The following CCDC178 variants were observed in gnomAD, a reference collection of about 807,000 sequenced individuals.
CCDC178 encodes coiled-coil domain containing 178.
CCDC178 carries 126 observed loss-of-function variants against 117.4 expected under a neutral mutation model. The ratio of observed to expected loss-of-function variants is 1.07; its 90% CI spans 0.93 to 1.24. CCDC178 has a LOEUF of 1.24. CCDC178 is among the 50% of genes most tolerant of loss of function. CCDC178 has a pLI of 0.00. For synonymous variants in CCDC178, 283 were observed against 313.4 expected (o/e 0.90, Z 1.02); for missense variants, 1,030 against 986.9 (o/e 1.04, Z -0.59).
intron 22 of CCDC178, among the ~76,000 whole-genome samples, chr18:32,943,450 T>C (rs1022450765): frequency 7.2e-5 from 11 of 152,110 alleles, no homozygotes; most frequent in African/African-American, 2.4e-4. Flanking sequence ...CTAGTGCTTC[T>C]TTTTTTTCCT....
Position 33,382,955 on chromosome 18 carries a change from A to T in CCDC178, c.208+6585T>A, listed in dbSNP as rs541341654. ...TCCCACTGCCAGCACAACAGTCTGG[A>T]GTTGCCCTGGGATGACTGAGTTCCC... On this transcript the variant is annotated intron_variant, in intron 5 of 22. Coordinates refer to ENST00000383096, the MANE Select transcript of CCDC178 (RefSeq NM_001105528.4). Among the ~76,000 whole-genome samples the T allele has an allele frequency of 2.0e-5, 3 of 152,074 alleles. No homozygotes were observed. In the South Asian group the frequency reaches 6.2e-4, roughly 32 times the overall value.
chr18:33,100,631 T>A (rs1223442723), intron 20 of CCDC178, among the ~76,000 whole-genome samples: 1 of 151,948 alleles, frequency 6.6e-6, no homozygotes, highest in East Asian at 1.9e-4. Context: ...ATATAAGAGC[T>A]CTGTATGTGG....
At chr18:33,377,564 C>T (rs567101482) in intron 5 of CCDC178, among the ~76,000 whole-genome samples, 45 of 152,080 alleles carry the variant, frequency 3.0e-4, no homozygotes, top group African/African-American at 1.1e-3. Context: ...TTTTAGGATT[C>T]TTATCATTTG....
intron 21 of CCDC178, among the ~76,000 whole-genome samples, chr18:33,057,554 C>T (rs532985018): frequency 1.1e-4 from 17 of 152,190 alleles, no homozygotes; most frequent in African/African-American, 3.9e-4. Flanking sequence ...TGCAATGGCG[C>T]GATCTGGGCT....
At chr18:33,152,543 G>A (rs1676803055) in intron 20 of CCDC178, among the ~76,000 whole-genome samples, 1 of 151,912 alleles carries the variant, frequency 6.6e-6, no homozygotes, top group African/African-American at 2.4e-5. Context: ...AAGGATGAAA[G>A]ATCAAAAGAT....
At chr18:33,026,287 T>C (rs1377188566) in intron 21 of CCDC178, among the ~76,000 whole-genome samples, 1 of 152,082 alleles carries the variant, frequency 6.6e-6, no homozygotes, top group Non-Finnish European at 1.5e-5. Context: ...TTTTGTATTT[T>C]GGGCGTATGA....
At chr18:33,188,245 A>C (rs1400844720) in intron 20 of CCDC178, among the ~76,000 whole-genome samples, 1 of 152,166 alleles carries the variant, frequency 6.6e-6, no homozygotes, top group Non-Finnish European at 1.5e-5. Context: ...CTAAATCAGC[A>C]ATCAGTATAG....
intron 20 of CCDC178, among the ~76,000 whole-genome samples, chr18:33,147,518 C>T (rs1016577861): frequency 2.0e-5 from 3 of 151,534 alleles, no homozygotes; most frequent in African/African-American, 7.3e-5. Flanking sequence ...ACCCTGCGGC[C>T]TTCCACAGTG....
intron 21 of CCDC178, among the ~76,000 whole-genome samples, chr18:33,039,260 A>G (rs28715862): frequency 0.15 from 23,067 of 151,994 alleles, 2,594 homozygotes; most frequent in African/African-American, 0.32. Context: ...GGAGTAATAG[A>G]ATGAAAACAG....
intron 12 of CCDC178, among the ~76,000 whole-genome samples, chr18:33,281,758 C>T (rs2060028606): frequency 6.6e-6 from 1 of 152,220 alleles, no homozygotes; most frequent in South Asian, 2.1e-4. Context: ...CTTACCTGTG[C>T]TTCTTGTACT....
chr18:33,178,138 C>T (rs2058685883), intron 20 of CCDC178, among the ~76,000 whole-genome samples: 1 of 152,000 alleles, frequency 6.6e-6, no homozygotes, highest in Admixed American at 6.6e-5. Flanking sequence ...GGACAGACAA[C>T]CCAACCCAAT....
At chr18:33,015,125 GGGT>G (rs2055954591) in intron 21 of CCDC178, among the ~76,000 whole-genome samples, 4 of 151,598 alleles carry the variant, frequency 2.6e-5, no homozygotes, top group African/African-American at 9.7e-5. Flanking sequence ...GTGTAGTGGT[GGGT>G]GCCTGTAATC....
intron 21 of CCDC178, among the ~76,000 whole-genome samples, chr18:33,087,408 G>A (rs1352087065): frequency 6.6e-6 from 1 of 152,126 alleles, no homozygotes; most frequent in African/African-American, 2.4e-5. Context: ...CATCCCCAAA[G>A]CTCTTCACAG....
chr18:33,371,782 T>C (rs1363213698), intron 5 of CCDC178, among the ~76,000 whole-genome samples: 80 of 53,620 alleles, frequency 1.5e-3, no homozygotes, highest in Admixed American at 7.5e-3. Flanking sequence ...CATAAACATA[T>C]ATACACACAC....
chr18:33,280,772 C>T (rs1215660167), intron 12 of CCDC178, among the ~76,000 whole-genome samples: 2 of 152,058 alleles, frequency 1.3e-5, no homozygotes, highest in African/African-American at 4.8e-5. Context: ...ACTATGCAGC[C>T]ATAAAAAATG....
At chr18:33,380,750 C>T (rs929317044) in intron 5 of CCDC178, among the ~76,000 whole-genome samples, 22 of 152,330 alleles carry the variant, frequency 1.4e-4, no homozygotes, top group African/African-American at 4.6e-4. Context: ...CTTGAATTAA[C>T]GCTCAGAGAG....
chr18:33,377,867 C>T (rs1017479756), intron 5 of CCDC178, among the ~76,000 whole-genome samples: 5 of 151,868 alleles, frequency 3.3e-5, no homozygotes, highest in Admixed American at 1.3e-4. Context: ...AGTATAAAGA[C>T]AGGTACAATG....
rs115825226 is a variant in CCDC178, at chr18:33,423,431, C to T, written c.-22-11321G>A. On this transcript the variant is annotated intron_variant, in intron 2 of 22. Coordinates refer to ENST00000383096, the MANE Select transcript of CCDC178 (RefSeq NM_001105528.4). ...TTTTAGGTGTATTCATGTCACCACACGCAGCTATATTGTATTCTTTCACTG... is the reference window on the plus strand; with the variant it reads ...TTTTAGGTGTATTCATGTCACCACATGCAGCTATATTGTATTCTTTCACTG... 8.8e-3 allele frequency among the ~76,000 whole-genome samples: 1,341 copies of T among 152,180 alleles called. 18 individuals are homozygous for T. The highest frequency in any genetic ancestry group is 0.03 in the African/African-American group (1,266 of 41,520).
chr18:33,317,379 C>T (rs796223561), intron 11 of CCDC178, among the ~76,000 whole-genome samples: 3 of 152,110 alleles, frequency 2.0e-5, no homozygotes, highest in East Asian at 1.9e-4. Context: ...GAAGAAACTC[C>T]GAACACATCC....
Sources: allele counts gnomAD v4.1 joint callset (sites outside exome capture counted in the v4.1 genomes callset), GRCh38; gene constraint gnomAD v4.1.1; transcripts MANE v1.5; gene names NCBI Gene and HGNC (gene_info 2026-07-23, HGNC 2026-07-21).